L3HYPDH: variants seen among roughly 807,000 people sequenced by gnomAD.
The protein encoded by L3HYPDH is trans-3-hydroxy-L-proline dehydratase.
L3HYPDH carries 32 observed loss-of-function variants against 26.5 expected under a neutral mutation model. The observed-to-expected ratio is 1.21, with a 90% CI of 0.91 to 1.62. The LOEUF is 1.62. Among genes scored for constraint, L3HYPDH ranks in the 40% most tolerant of loss-of-function variants. L3HYPDH has a pLI of 0.00. For missense variants in L3HYPDH, 554 were observed against 476.4 expected, an observed-to-expected ratio of 1.16 and a Z score of -1.52; for synonymous variants, 215 against 196.6, an observed-to-expected ratio of 1.09 and a Z score of -0.78.
the L3HYPDH span, chr14:59,504,139 A>G: frequency 1.5e-4 from 131 of 886,872 alleles, no homozygotes; most frequent in African/African-American, 2.1e-3. Flanking sequence ...CAATCTTAAC[A>G]GTGTATGAGA....
chr14:59,497,366 G>C, the L3HYPDH span, among the ~76,000 whole-genome samples: 1 of 152,168 alleles, frequency 6.6e-6, no homozygotes, highest in Non-Finnish European at 1.5e-5. Flanking sequence ...TGAAAGAGGG[G>C]AAGAGTGGAA....
At chr14:59,469,341 T>A (rs113921434), downstream of L3HYPDH, among the ~76,000 whole-genome samples, 7,053 of 151,808 alleles carry the variant, frequency 0.046, 185 homozygotes, top group Non-Finnish European at 0.058. Flanking sequence ...AATCACGAGA[T>A]CAGGAGTTCA....
At chr14:59,467,635 A>T (rs76634958), downstream of L3HYPDH, among the ~76,000 whole-genome samples, 1 of 152,066 alleles carries the variant, frequency 6.6e-6, no homozygotes, top group African/African-American at 2.4e-5. Flanking sequence ...GACTTCAAAG[A>T]TAATCTATAT....
the L3HYPDH span, among the ~76,000 whole-genome samples, chr14:59,489,940 C>T: frequency 4.5e-3 from 688 of 151,734 alleles, 6 homozygotes; most frequent in African/African-American, 0.016. Flanking sequence ...TTTTATTTTT[C>T]GAGACAATGT....
chr14:59,500,127 T>G, the L3HYPDH span, among the ~76,000 whole-genome samples: 1 of 152,216 alleles, frequency 6.6e-6, no homozygotes, highest in East Asian at 1.9e-4. Context: ...TAGCTACTTA[T>G]AAGTTAAGTA....
At chr14:59,482,901 C>T (rs1263187325) in intron 1 of L3HYPDH, among the ~76,000 whole-genome samples, 2 of 152,192 alleles carry the variant, frequency 1.3e-5, no homozygotes, top group Admixed American at 1.3e-4. Flanking sequence ...AGCATTCTTA[C>T]TGATAGAATT....
intron 4 of L3HYPDH, chr14:59,474,579 T>C (rs1399840460): frequency 7.2e-6 from 5 of 698,072 alleles, no homozygotes; most frequent in African/African-American, 7.0e-5. Flanking sequence ...CAATATAATA[T>C]AATGCTTAAC....
chr14:59,467,056 A>C (rs1210750133), intron 1 of L3HYPDH, among the ~76,000 whole-genome samples: 1 of 152,208 alleles, frequency 6.6e-6, no homozygotes, highest in Non-Finnish European at 1.5e-5. Context: ...TAGTTTTAGG[A>C]AACAACATAT....
upstream of L3HYPDH, among the ~76,000 whole-genome samples, chr14:59,489,113 C>G (rs915750641): frequency 1.3e-5 from 2 of 152,252 alleles, no homozygotes; most frequent in African/African-American, 4.8e-5. Flanking sequence ...TTGAATTCCT[C>G]TCCTGAAAAT....
intron 2 of L3HYPDH, among the ~76,000 whole-genome samples, chr14:59,476,432 C>A (rs547587396): frequency 4.7e-4 from 72 of 152,296 alleles, no homozygotes; most frequent in African/African-American, 1.7e-3. Flanking sequence ...CTTTGAGTCC[C>A]TTCTAAGGAA....
chr14:59,469,893 AT>A (rs1362854059), downstream of L3HYPDH, among the ~76,000 whole-genome samples: 1 of 152,210 alleles, frequency 6.6e-6, no homozygotes, highest in African/African-American at 2.4e-5. Flanking sequence ...ATGGGAATGA[AT>A]GTGACAATTT....
At chr14:59,501,086 T>G in the L3HYPDH span, 2 of 715,446 alleles carry the variant, frequency 2.8e-6, no homozygotes, top group Non-Finnish European at 4.6e-6. Flanking sequence ...CAGAACTGGT[T>G]GAGAAAGGAT....
the L3HYPDH span, among the ~76,000 whole-genome samples, chr14:59,495,619 A>G: frequency 3.9e-5 from 6 of 152,220 alleles, no homozygotes; most frequent in Non-Finnish European, 7.3e-5. Context: ...GTATGCAATT[A>G]TGCCAGACTA....
intron 2 of L3HYPDH, 37 bp from the exon 3 acceptor site, chr14:59,476,251 T>C: frequency 7.0e-7 from 1 of 1,433,072 alleles, no homozygotes; most frequent in African/African-American, 1.5e-5. Flanking sequence ...GCAAAATAAA[T>C]ATTTTGATTC....
At chr14:59,488,445 T>C (rs965683480), upstream of L3HYPDH, among the ~76,000 whole-genome samples, 4 of 152,098 alleles carry the variant, frequency 2.6e-5, no homozygotes, top group African/African-American at 7.2e-5. Context: ...TTATGCCTCA[T>C]GGGATCTGAA....
At position 59,479,181 on chromosome 14, in the gene L3HYPDH, C is replaced by T. The variant is rs752485416; in HGVS notation, c.678+1G>A. 5 of 1,602,654 alleles carry T rather than the reference C, an allele frequency of 3.1e-6. No individual in the cohort carries two copies. The South Asian group carries it at 5.6e-5, about 18-fold the overall frequency. On this transcript the variant is annotated splice_donor_variant, in intron 2 of 4. Transcript: ENST00000247194. LOFTEE classifies it high-confidence loss of function. ...GGTTATGAAGGCAGAGTATTACTGACCTGAGCTTTCACTGCCTCTGTCACT... is the reference window on the plus strand; with the variant it reads ...GGTTATGAAGGCAGAGTATTACTGATCTGAGCTTTCACTGCCTCTGTCACT...
chr14:59,483,903 GGGGC>G lies in L3HYPDH; in HGVS notation c.410_413del (p.Cys137SerfsTer5). 6 of 1,562,830 alleles carry G rather than the reference GGGGC, an allele frequency of 3.8e-6. No individual in the cohort carries two copies. Among genetic ancestry groups the G allele is most frequent in the Non-Finnish European group, 4.3e-6 (5 of 1,160,418 alleles). On this transcript the variant is annotated frameshift_variant, in exon 1 of 5. Coordinates refer to ENST00000247194, the MANE Select transcript of L3HYPDH (RefSeq NM_144581.2). LOFTEE classifies it high-confidence loss of function. ...CCACGAAGGCGGTCACCAGCCCGCA[GGGGC>G]AGTGGATATTGACGCGGGCCTCGCG...
the L3HYPDH span, among the ~76,000 whole-genome samples, chr14:59,492,779 C>G: frequency 6.6e-6 from 1 of 150,556 alleles, no homozygotes; most frequent in Non-Finnish European, 1.5e-5. Context: ...AAAATAGAGA[C>G]TATGAAGGAG....
intron 2 of L3HYPDH, chr14:59,478,631 C>T (rs1594912228): frequency 6.6e-6 from 1 of 152,412 alleles, no homozygotes; most frequent in African/African-American, 2.4e-5. Flanking sequence ...ATTGGCCAGA[C>T]ACTACTCTAA....
Sources: allele counts gnomAD v4.1 joint callset (sites outside exome capture counted in the v4.1 genomes callset), GRCh38; gene constraint gnomAD v4.1.1; transcripts MANE v1.5; gene names NCBI Gene and HGNC (gene_info 2026-07-23, HGNC 2026-07-21).